SEPTIN7: variants seen among roughly 807,000 people sequenced by gnomAD.
SEPTIN7 encodes the protein septin 7.
In SEPTIN7, 10 loss-of-function variants were observed where a neutral mutation model predicts 63.3. That is an observed-to-expected ratio of 0.16 (90% CI 0.10 to 0.27). The LOEUF (loss-of-function observed/expected upper bound fraction) is 0.27, where lower values mean the gene tolerates loss of function less well. Ranked by LOEUF, SEPTIN7 falls within the 10% of genes least tolerant of loss-of-function variation. SEPTIN7 has a pLI of 1.00. For synonymous variants in SEPTIN7, 131 were observed against 165.3 expected (o/e 0.79, Z 1.59); for missense variants, 310 against 521.0 (o/e 0.59, Z 3.94).
At chr7:35,888,845 A>G in intron 10 of SEPTIN7, 2 of 369,004 alleles carry the variant, frequency 5.4e-6, no homozygotes, top group Non-Finnish European at 1.1e-5. Context: ...AAAAAAAAAA[A>G]CGGAAAAGAA....
At chr7:35,864,533 G>A (rs1208251358) in intron 4 of SEPTIN7, among the ~76,000 whole-genome samples, 1 of 152,010 alleles carries the variant, frequency 6.6e-6, no homozygotes, top group East Asian at 1.9e-4. Context: ...TACCACAGAT[G>A]TCTAAGACTG....
In SEPTIN7 at chr7:35,880,198, CTTTTCTTTTCTTTTT is replaced by C. The variant is rs1470662785; in HGVS notation, c.630+278_630+292del. 5.7e-3 allele frequency among the ~76,000 whole-genome samples: 633 copies of C among 111,956 alleles called. 4 individuals carry two copies. The highest frequency in any genetic ancestry group is 0.042 in the East Asian group (162 of 3,894). 73.4% of individuals were successfully genotyped at this position (111,956 alleles called of 152,430 possible). A position where few individuals can be genotyped will look rare whatever the true frequency, so the allele number is the denominator to read the frequency against. Reference sequence around the variant, plus strand: ...AGAATTATTTTCTTTTTTCTTTTCTCTTTTCTTTTCTTTTTTTTTCTTTTCTTTTTTTTTTTTTTT... The same window carrying C: ...AGAATTATTTTCTTTTTTCTTTTCTCTTTTCTTTTCTTTTTTTTTTTTTTT... On this transcript the variant is annotated intron_variant, in intron 7 of 13. Coordinates refer to ENST00000350320, the MANE Select transcript of SEPTIN7 (RefSeq NM_001788.6).
intron 3 of SEPTIN7, among the ~76,000 whole-genome samples, chr7:35,856,679 C>T (rs1266263239): frequency 6.6e-6 from 1 of 152,162 alleles, no homozygotes; most frequent in African/African-American, 2.4e-5. Context: ...AGACTGGGCT[C>T]TTTGAGGATC....
At chr7:35,814,941 C>T (rs867252204) in intron 1 of SEPTIN7, among the ~76,000 whole-genome samples, 7 of 138,560 alleles carry the variant, frequency 5.1e-5, no homozygotes, top group Middle Eastern at 4.1e-3. Context: ...CGCCACTGCA[C>T]TCCAGCCTAG....
At chr7:35,878,894 A>G (rs952009317) in intron 6 of SEPTIN7, among the ~76,000 whole-genome samples, 2 of 152,204 alleles carry the variant, frequency 1.3e-5, no homozygotes, top group African/African-American at 4.8e-5. Context: ...TGAGCTGTCT[A>G]TGAAGATTTG....
rs929501420 is a variant in SEPTIN7 at position 35,904,429 on chromosome 7, T to A, written c.*136T>A. 66 of 596,770 alleles carry A rather than the reference T, an allele frequency of 1.1e-4. No homozygotes were observed. The highest frequency in any genetic ancestry group is 9.1e-4 in the Middle Eastern group (2 of 2,188). 37.0% of individuals were successfully genotyped at this position (596,770 alleles called of 1,614,324 possible). A position where few individuals can be genotyped will look rare whatever the true frequency, so the allele number is the denominator to read the frequency against. On this transcript the variant is annotated 3_prime_UTR_variant, in exon 14 of 14. Transcript: ENST00000350320. ...ATTTAACAGCATGACAAAAATTATTTTTTTTTTTGTTCTTGATGGAGATTA... is the reference window on the plus strand; with the variant it reads ...ATTTAACAGCATGACAAAAATTATTATTTTTTTTGTTCTTGATGGAGATTA...
At chr7:35,858,187 C>T (rs1383516154) in intron 3 of SEPTIN7, among the ~76,000 whole-genome samples, 2 of 152,046 alleles carry the variant, frequency 1.3e-5, no homozygotes, top group Non-Finnish European at 2.9e-5. Context: ...TGAAGTGATC[C>T]CTCCGCCTCG....
At chr7:35,873,040 C>A (rs997358725) in intron 5 of SEPTIN7, among the ~76,000 whole-genome samples, 2 of 151,956 alleles carry the variant, frequency 1.3e-5, no homozygotes, top group African/African-American at 2.4e-5. Flanking sequence ...TAGAAGAATT[C>A]TCATTATTGT....
At chr7:35,818,793 C>T (rs1209247008) in intron 1 of SEPTIN7, among the ~76,000 whole-genome samples, 2 of 151,090 alleles carry the variant, frequency 1.3e-5, no homozygotes, top group Admixed American at 6.6e-5. Flanking sequence ...CTTTTTATTT[C>T]TGAAAGGTTG....
At chr7:35,850,934 A>G (rs1387389361) in intron 3 of SEPTIN7, among the ~76,000 whole-genome samples, 1 of 152,208 alleles carries the variant, frequency 6.6e-6, no homozygotes, top group African/African-American at 2.4e-5. Context: ...TGAGTAAAAC[A>G]AAGATAAGCG....
chr7:35,871,091 C>T (rs1316928258), intron 4 of SEPTIN7, among the ~76,000 whole-genome samples: 1 of 152,074 alleles, frequency 6.6e-6, no homozygotes, highest in Non-Finnish European at 1.5e-5. Flanking sequence ...CATATTAATA[C>T]TTAATATTCA....
intron 10 of SEPTIN7, chr7:35,888,823 C>CAAAAAAAAAAAA: frequency 5.4e-6 from 1 of 185,772 alleles, no homozygotes; most frequent in South Asian, 4.6e-5. Flanking sequence ...GACCCTGTAT[C>CAAAAAAAAAAAA]AAAAAAAAAA....
intron 3 of SEPTIN7, among the ~76,000 whole-genome samples, chr7:35,858,798 A>G (rs1021984744): frequency 6.6e-6 from 1 of 150,456 alleles, no homozygotes; most frequent in Non-Finnish European, 1.5e-5. Context: ...CTCCTGCCTC[A>G]GCCTCCCAAG....
intron 11 of SEPTIN7, among the ~76,000 whole-genome samples, chr7:35,896,843 A>G (rs149923289): frequency 3.1e-4 from 47 of 152,348 alleles, no homozygotes; most frequent in African/African-American, 9.1e-4. Context: ...AATTTACGCA[A>G]TTGCGAAAAC....
chr7:35,863,784 G>A, intron 4 of SEPTIN7, 126 bp downstream of exon 4: 2 of 482,810 alleles, frequency 4.1e-6, no homozygotes, highest in Non-Finnish European at 7.2e-6. Context: ...AGTGTATGAT[G>A]GTAAATATGA....
chr7:35,811,749 C>T (rs1260860741), intron 1 of SEPTIN7, among the ~76,000 whole-genome samples: 4 of 152,020 alleles, frequency 2.6e-5, no homozygotes, highest in African/African-American at 9.7e-5. Flanking sequence ...TAAGGCTGGG[C>T]GCGGTGGCTC....
chr7:35,900,347 C>T (rs1788244199), intron 12 of SEPTIN7: 3 of 152,216 alleles, frequency 2.0e-5, no homozygotes, highest in African/African-American at 7.2e-5. Context: ...ATCCCTGGCA[C>T]TGCCACTAAA....
intron 1 of SEPTIN7, among the ~76,000 whole-genome samples, chr7:35,828,599 G>A (rs1452871299): frequency 1.3e-5 from 2 of 152,038 alleles, no homozygotes; most frequent in Non-Finnish European, 2.9e-5. Context: ...AGATGTTCTC[G>A]ATCTCCTGAC....
In SEPTIN7 at chr7:35,879,655, C is replaced by T. The variant is rs1786709917; in HGVS notation, c.513-168C>T. 19 of 554,740 alleles carry T rather than the reference C, an allele frequency of 3.4e-5. 1 individual carries two copies. In the South Asian group the frequency reaches 4.3e-4, roughly 13 times the overall value. The allele number at this position is 554,740 out of a possible 1,614,324, so 34.4% of individuals were successfully genotyped here. A position where few individuals can be genotyped will look rare whatever the true frequency, so the allele number is the denominator to read the frequency against. On this transcript the variant is annotated intron_variant, in intron 6 of 13. Coordinates refer to ENST00000350320, the MANE Select transcript of SEPTIN7 (RefSeq NM_001788.6). ...AGTCAAAGCCTTAGCCACTCCAATG[C>T]TTCTTGAAGTCCTGTTCTACCTAAC...
Sources: gnomAD v4.1 joint callset for allele counts (sites outside exome capture counted in the v4.1 genomes callset) on GRCh38, gnomAD v4.1.1 for gene constraint, MANE v1.5 for transcripts, NCBI Gene and HGNC (gene_info 2026-07-23, HGNC 2026-07-21) for gene names.